The following FRMPD1 variants were observed in gnomAD, a reference collection of about 807,000 sequenced individuals.
The protein encoded by FRMPD1 is FERM and PDZ domain containing 1.
A neutral mutation model predicts 117.8 loss-of-function variants in FRMPD1; 76 were observed. The observed-to-expected ratio is 0.65, with a 90% CI of 0.54 to 0.78. The LOEUF is 0.78. FRMPD1 is among the 30% of genes least tolerant of loss of function. FRMPD1 has a pLI of 0.00. For synonymous variants in FRMPD1, 783 were observed against 770.4 expected, an observed-to-expected ratio of 1.02 and a Z score of -0.27; for missense variants, 1,786 against 1,964.5, an observed-to-expected ratio of 0.91 and a Z score of 1.72.
chr9:37,621,779 C>T, the FRMPD1 span, among the ~76,000 whole-genome samples: 11 of 152,192 alleles, frequency 7.2e-5, no homozygotes, highest in East Asian at 9.6e-4. Context: ...GATGCATTTA[C>T]GTGGGAGTGA....
chr9:37,701,583 T>C (rs1261578457), intron 2 of FRMPD1, among the ~76,000 whole-genome samples: 2 of 151,756 alleles, frequency 1.3e-5, no homozygotes, highest in African/African-American at 4.8e-5. Flanking sequence ...GGGAAGAGCT[T>C]GTCCAAAGGC....
intron 1 of FRMPD1, chr9:37,669,641 C>G (rs893204240): frequency 1.3e-5 from 2 of 152,102 alleles, no homozygotes; most frequent in African/African-American, 4.8e-5. Context: ...TTCTGCTTCT[C>G]TGCATTACTA....
chr9:37,731,621 C>T (rs1488027774), intron 9 of FRMPD1, among the ~76,000 whole-genome samples: 1 of 152,174 alleles, frequency 6.6e-6, no homozygotes, highest in Non-Finnish European at 1.5e-5. Flanking sequence ...CCTGTAATGT[C>T]AGCATTTTAG....
At chr9:37,644,575 T>C in the FRMPD1 span, among the ~76,000 whole-genome samples, 1 of 152,184 alleles carries the variant, frequency 6.6e-6, no homozygotes. Flanking sequence ...AGAAGCCCCC[T>C]GGGTAGGCAC....
At chr9:37,709,350 G>GTT (rs10672208) in intron 4 of FRMPD1, among the ~76,000 whole-genome samples, 2,200 of 148,968 alleles carry the variant, frequency 0.015, 47 homozygotes, top group African/African-American at 0.05. Context: ...GGTATTAATT[G>GTT]TTTTTTTTTC....
chr9:37,653,793 A>T (rs1554659115), intron 1 of FRMPD1, among the ~76,000 whole-genome samples: 3 of 152,150 alleles, frequency 2.0e-5, no homozygotes, highest in Non-Finnish European at 4.4e-5. Context: ...CATCTCTACA[A>T]AAAATTTACA....
chr9:37,654,264 A>G (rs906272724), intron 1 of FRMPD1, among the ~76,000 whole-genome samples: 6 of 152,192 alleles, frequency 3.9e-5, no homozygotes, highest in African/African-American at 1.4e-4. Flanking sequence ...AATGTGGGAG[A>G]AAGTAGTAGG....
At chr9:37,640,808 C>A in the FRMPD1 span, among the ~76,000 whole-genome samples, 1 of 152,146 alleles carries the variant, frequency 6.6e-6, no homozygotes, top group Non-Finnish European at 1.5e-5. Context: ...TAATCAGGAT[C>A]CAGATTATGA....
chr9:37,608,661 C>T, the FRMPD1 span, among the ~76,000 whole-genome samples: 23 of 152,204 alleles, frequency 1.5e-4, no homozygotes, highest in African/African-American at 5.5e-4. Flanking sequence ...TTTTCTTTTG[C>T]AAATCATTCC....
chr9:37,693,080 A>C, intron 2 of FRMPD1: 1 of 277,434 alleles, frequency 3.6e-6, no homozygotes, highest in Non-Finnish European at 6.9e-6. Context: ...ACACTCATAC[A>C]TACACTCTTT....
At position 37,733,801 on chromosome 9, in the gene FRMPD1, A is replaced by AG. The variant is rs2118412173; in HGVS notation, c.1194_1195insG (p.Arg399GlufsTer4). 1.2e-5 allele frequency: 19 copies of AG among 1,579,314 alleles called. No homozygotes were observed. Among genetic ancestry groups the AG allele is most frequent in the Non-Finnish European group, 1.6e-5 (18 of 1,148,356 alleles). On this transcript the variant is annotated frameshift_variant, in exon 12 of 16. Coordinates refer to ENST00000377765, the MANE Select transcript of FRMPD1 (RefSeq NM_014907.3). LOFTEE classifies it high-confidence loss of function. ...TCGGAGAACTCAAGACATATGGTGG[A>AG]AGAATCTTTAATGCTACTTTAATGG...
At chr9:37,636,727 G>A in the FRMPD1 span, 24 of 1,587,376 alleles carry the variant, frequency 1.5e-5, no homozygotes, top group East Asian at 3.4e-4. Context: ...CAGGGGTGCT[G>A]TCGATCTTGA....
chr9:37,731,104 G>A lies in FRMPD1; in HGVS notation c.858+1G>A. The A allele has an allele frequency of 6.2e-7, 1 of 1,613,570 alleles. No individual in the cohort carries two copies. Among genetic ancestry groups the A allele is most frequent in the South Asian group, 1.1e-5 (1 of 91,066 alleles). On this transcript the variant is annotated splice_donor_variant, in intron 9 of 15. Transcript: ENST00000377765. LOFTEE classifies it high-confidence loss of function. ...GGCCTTTGAATACCTCTATCTGCAG[G>A]TGACTGGGTCTGTGCTTCCTAAAAT...
In FRMPD1 at chr9:37,746,745, G is replaced by A. The variant is rs1483883436; in HGVS notation, c.4713G>A (p.Lys1571=). The change falls in exon 16 of 16, where the codon AAG becomes AAA. Residue 1571 remains lysine, a synonymous_variant. Coordinates refer to ENST00000377765, the MANE Select transcript of FRMPD1 (RefSeq NM_014907.3). Reference sequence around the variant, plus strand: ...CCGCCGTGTTCTGTTTGACCCAGAAGTTCCGGGCATCCACGGCCCTGTAAA... The same window carrying A: ...CCGCCGTGTTCTGTTTGACCCAGAAATTCCGGGCATCCACGGCCCTGTAAA... ...LTAAVFCLTQ[K]FRASTAL is the part of the protein sequence containing the mutation. 1 of 1,614,014 alleles carries A rather than the reference G, an allele frequency of 6.2e-7. No homozygotes were observed. The highest frequency in any genetic ancestry group is 1.3e-5 in the African/African-American group (1 of 75,084).
intron 6 of FRMPD1, among the ~76,000 whole-genome samples, chr9:37,723,890 C>T (rs1329841773): frequency 3.3e-5 from 5 of 151,736 alleles, no homozygotes; most frequent in African/African-American, 9.7e-5. Flanking sequence ...CTCAGCTACT[C>T]GGGAGGCTGA....
chr9:37,620,004 TAGG>T, the FRMPD1 span, among the ~76,000 whole-genome samples: 1 of 151,938 alleles, frequency 6.6e-6, no homozygotes, highest in East Asian at 1.9e-4. Flanking sequence ...TATTCCCCAG[TAGG>T]AGATTACTGG....
At chr9:37,609,148 C>G in the FRMPD1 span, among the ~76,000 whole-genome samples, 1 of 152,106 alleles carries the variant, frequency 6.6e-6, no homozygotes, top group East Asian at 1.9e-4. Context: ...AAAAGTTAGC[C>G]GGGCATGGTG....
chr9:37,608,117 T>G, the FRMPD1 span, among the ~76,000 whole-genome samples: 1 of 152,264 alleles, frequency 6.6e-6, no homozygotes, highest in African/African-American at 2.4e-5. Flanking sequence ...GAAGGCTACG[T>G]GAACAGGCTG....
At position 37,741,405 on chromosome 9, in the gene FRMPD1, C is replaced by T. The variant is rs192542381; in HGVS notation, c.2356+521C>T. ...TCAGGTTCCTCATACATTCCTCCAC[C>T]GAGAGTGTGGAGGGTCTTTCCAAGC... On this transcript the variant is annotated intron_variant, in intron 15 of 15. Coordinates refer to ENST00000377765, the MANE Select transcript of FRMPD1 (RefSeq NM_014907.3). 3.1e-4 allele frequency among the ~76,000 whole-genome samples: 46 copies of T among 146,802 alleles called. 1 individual carries two copies. In the East Asian group the frequency reaches 7.9e-3, roughly 25 times the overall value.
Sources: allele counts gnomAD v4.1 joint callset (sites outside exome capture counted in the v4.1 genomes callset), GRCh38; gene constraint gnomAD v4.1.1; transcripts MANE v1.5; gene names NCBI Gene and HGNC (gene_info 2026-07-23, HGNC 2026-07-21).